Variants in MFAP5 observed in about 807,000 individuals in gnomAD.
The protein encoded by MFAP5 is microfibrillar-associated protein 5.
In MFAP5, 19 loss-of-function variants were observed where a neutral mutation model predicts 30.1. The observed-to-expected ratio is 0.63, with a 90% CI of 0.44 to 0.93. MFAP5 has a LOEUF of 0.93. Among genes scored for constraint, MFAP5 ranks in the 40% least tolerant of loss-of-function variants. The pLI, the probability that MFAP5 is intolerant of heterozygous loss-of-function variation, is 0.00. For synonymous variants in MFAP5, 92 were observed against 72.9 expected (o/e 1.26, Z -1.33); for missense variants, 210 against 221.3 (o/e 0.95, Z 0.32).
intron 3 of MFAP5, among the ~76,000 whole-genome samples, chr12:8,656,660 A>G (rs1477041043): frequency 1.5e-5 from 2 of 135,506 alleles, no homozygotes; most frequent in Admixed American, 7.3e-5. Flanking sequence ...ATATATATAT[A>G]TATATATATT....
intron 3 of MFAP5, among the ~76,000 whole-genome samples, chr12:8,657,732 C>A (rs1327304159): frequency 1.3e-5 from 2 of 151,704 alleles, no homozygotes; most frequent in African/African-American, 4.8e-5. Context: ...CCACCATGCC[C>A]GACTAGTTTT....
At chr12:8,662,312 C>T (rs1942176774) in intron 1 of MFAP5, 2 of 559,264 alleles carry the variant, frequency 3.6e-6, no homozygotes, top group East Asian at 3.1e-5. Context: ...TGGTCACTTA[C>T]CATTATTCTT....
chr12:8,656,059 CTTT>C (rs11359613), intron 3 of MFAP5, among the ~76,000 whole-genome samples: 8 of 113,868 alleles, frequency 7.0e-5, no homozygotes, highest in Non-Finnish European at 1.1e-4. Flanking sequence ...ATTCATAATT[CTTT>C]TTTTTTTTTT....
intron 3 of MFAP5, among the ~76,000 whole-genome samples, chr12:8,656,712 G>A (rs967720377): frequency 1.5e-5 from 2 of 134,518 alleles, no homozygotes; most frequent in Non-Finnish European, 3.1e-5. Flanking sequence ...TGTCGCCCAG[G>A]CTGGAATACA....
In MFAP5 at chr12:8,645,981, G is replaced by A. The variant is rs1941670560; in HGVS notation, c.*2110C>T. On this transcript the variant is annotated 3_prime_UTR_variant, in exon 10 of 10. Transcript: ENST00000359478. ...GACATTTTATTTTGAGAAATAAATT[G>A]GAAAAAAATATTTTAAAATGTTTAA... 6.6e-6 allele frequency: 1 copy of A among 151,918 alleles called. No individual in the cohort carries two copies. The highest frequency in any genetic ancestry group is 1.5e-5 in the Non-Finnish European group (1 of 67,662). The allele number at this position is 151,918 out of a possible 1,614,324, so 9.4% of individuals were successfully genotyped here.
intron 9 of MFAP5, 23 bp downstream of exon 9, chr12:8,649,478 T>G: frequency 6.2e-7 from 1 of 1,606,898 alleles, no homozygotes; most frequent in Non-Finnish European, 8.5e-7. Context: ...TTCTCTCCAT[T>G]AAACATCCAG....
At chr12:8,651,544 TTG>T in intron 7 of MFAP5, 116 bp downstream of exon 7, 1 of 1,059,792 alleles carries the variant, frequency 9.4e-7, no homozygotes, top group Non-Finnish European at 1.4e-6. Flanking sequence ...CTAATACTCT[TTG>T]AGAAATAATT....
In MFAP5 at chr12:8,655,482, A is replaced by C. The variant is rs375006835; in HGVS notation, c.140-35T>G. 102 of 1,593,116 alleles carry C rather than the reference A, an allele frequency of 6.4e-5. 1 individual carries two copies. In the African/African-American group the frequency reaches 1.3e-3, roughly 20 times the overall value. On this transcript the variant is annotated intron_variant, in intron 4 of 9. Transcript: ENST00000359478. ...CACATAACAAGGAATGAAAAAATGC[A>C]GTCAGGAAAAGTAGCTAAGGAAAGC...
chr12:8,657,508 TA>T (rs1942035682), intron 3 of MFAP5, among the ~76,000 whole-genome samples: 1 of 151,902 alleles, frequency 6.6e-6, no homozygotes, highest in African/African-American at 2.4e-5. Context: ...GTAAATAGCT[TA>T]TATTCATAAT....
rs770425375 is a variant in MFAP5, at chr12:8,651,690, G to T, written c.219C>A (p.Ala73=). The change falls in exon 7 of 10, where the codon GCC becomes GCA. Residue 73 remains alanine (A), a splice_region_variant and synonymous_variant. Transcript: ENST00000359478. ...ADIAPSTDDL[A]SLSEKNTTAE... ...CAGTGGTATTTTTTTCACTGAGGGA[G>T]GCTGAAAGGCAGAAATTTTATTCCA... 4 of 1,613,552 alleles carry T rather than the reference G, an allele frequency of 2.5e-6. No individual in the cohort carries two copies. The African/African-American group carries it at 5.3e-5, about 22-fold the overall frequency.
At chr12:8,649,465 T>G (rs762855396) in intron 9 of MFAP5, 36 bp downstream of exon 9, 7 of 1,586,896 alleles carry the variant, frequency 4.4e-6, no homozygotes, top group Non-Finnish European at 6.1e-6. Context: ...TTCTCATAAC[T>G]GCTTCTCTCC....
At chr12:8,655,529 C>G in intron 4 of MFAP5, 82 bp from the exon 5 acceptor site, 1 of 1,403,972 alleles carries the variant, frequency 7.1e-7, no homozygotes, top group Admixed American at 2.1e-5. Context: ...ACGATGATCT[C>G]AAAGGAGGCA....
At chr12:8,653,465 C>T (rs920707647) in intron 6 of MFAP5, among the ~76,000 whole-genome samples, 1 of 152,120 alleles carries the variant, frequency 6.6e-6, no homozygotes, top group Admixed American at 6.5e-5. Context: ...TATAATCTTA[C>T]CTTGCATAAA....
intron 6 of MFAP5, 118 bp downstream of exon 6, chr12:8,654,319 C>T: frequency 2.1e-6 from 2 of 967,884 alleles, no homozygotes; most frequent in South Asian, 1.6e-5. Flanking sequence ...AATATGTGCT[C>T]CATAAACTGT....
At chr12:8,652,657 C>T (rs1268718876) in intron 6 of MFAP5, among the ~76,000 whole-genome samples, 1 of 152,116 alleles carries the variant, frequency 6.6e-6, no homozygotes, top group Admixed American at 6.6e-5. Flanking sequence ...TCATCTATCC[C>T]ATGGTTTCTA....
intron 2 of MFAP5, 57 bp from the exon 3 acceptor site, chr12:8,660,955 C>A: frequency 7.0e-7 from 1 of 1,425,598 alleles, no homozygotes; most frequent in Non-Finnish European, 9.8e-7. Context: ...ACCTCGTAAC[C>A]CTTTTATGAG....
At chr12:8,653,215 GAAAAA>G (rs1941891104) in intron 6 of MFAP5, among the ~76,000 whole-genome samples, 1 of 149,148 alleles carries the variant, frequency 6.7e-6, no homozygotes, top group Non-Finnish European at 1.5e-5. Flanking sequence ...AAAGAAAAAA[GAAAAA>G]GAAAACTGGA....
intron 3 of MFAP5, among the ~76,000 whole-genome samples, chr12:8,658,233 C>T (rs1057034642): frequency 3.9e-5 from 6 of 151,966 alleles, no homozygotes; most frequent in African/African-American, 1.2e-4. Context: ...GCCTGTAGTC[C>T]CAATTACTCA....
chr12:8,659,654 G>A (rs1010091835), intron 3 of MFAP5, among the ~76,000 whole-genome samples: 19 of 151,886 alleles, frequency 1.3e-4, no homozygotes, highest in Non-Finnish European at 2.1e-4. Flanking sequence ...GGGGATTCGG[G>A]TATTTTTACC....
Sources: gnomAD v4.1 joint callset for allele counts (sites outside exome capture counted in the v4.1 genomes callset) on GRCh38, gnomAD v4.1.1 for gene constraint, MANE v1.5 for transcripts, NCBI Gene and HGNC (gene_info 2026-07-23, HGNC 2026-07-21) for gene names.